Variants in IST1 observed in about 807,000 individuals in gnomAD.
The protein encoded by IST1 is IST1 factor associated with ESCRT-III, also known as IST1 homolog.
Under a neutral mutation model 37.0 loss-of-function variants are expected in IST1, and 23 were observed. That is an observed-to-expected ratio of 0.62 (90% confidence interval 0.45 to 0.88). The LOEUF (loss-of-function observed/expected upper bound fraction) is 0.88, where lower values mean the gene tolerates loss of function less well. Ranked by LOEUF, IST1 falls within the 40% of genes least tolerant of loss-of-function variation. The pLI, the probability that IST1 is intolerant of heterozygous loss-of-function variation, is 0.00. For missense variants in IST1, 488 were observed against 445.4 expected (o/e 1.10, Z -0.86); for synonymous variants, 180 against 161.7 (o/e 1.11, Z -0.86).
At chr16:71,895,257 G>A (rs1376273538), upstream of IST1, 2 of 157,986 alleles carry the variant, frequency 1.3e-5, no homozygotes, top group Non-Finnish European at 2.8e-5. Context: ...AGCTGTGGCT[G>A]GCCTCCCCGC....
intron 1 of IST1, among the ~76,000 whole-genome samples, chr16:71,900,327 CTTTTTT>C (rs201344260): frequency 4.2e-4 from 42 of 100,506 alleles, no homozygotes; most frequent in Admixed American, 9.5e-4. Flanking sequence ...CTTAGGAAGT[CTTTTTT>C]TTTTTTTTTT....
chr16:71,920,862 G>A, intron 5 of IST1, 40 bp downstream of exon 5: 2 of 1,437,962 alleles, frequency 1.4e-6, no homozygotes, highest in Non-Finnish European at 2.0e-6. Flanking sequence ...CAGTGTGTGG[G>A]AGCAGTTTAT....
Position 71,908,296 on chromosome 16 carries a change from CTT to C in IST1, c.-15-7309_-15-7308del, listed in dbSNP as rs59849119. On this transcript the variant is annotated intron_variant, in intron 1 of 9. Coordinates refer to ENST00000378799, the MANE Select transcript of IST1 (RefSeq NM_001270975.2). ...GAGAAATTTCCCTTACTCGTTGTAG[CTT>C]TTTTTTTTTTTTTTTTTTTTGGAGA... Among the ~76,000 whole-genome samples, 30 of 76,822 alleles carry C rather than the reference CTT, an allele frequency of 3.9e-4. No individual in the cohort carries two copies. The South Asian group carries it at 0.01, about 26-fold the overall frequency. 50.4% of individuals were successfully genotyped at this position (76,822 alleles called of 152,430 possible). A position where few individuals can be genotyped will look rare whatever the true frequency, so the allele number is the denominator to read the frequency against.
In IST1 at chr16:71,929,722, T is replaced by G; in HGVS notation, c.*1909T>G. On this transcript the variant is annotated 3_prime_UTR_variant, in exon 10 of 10. Coordinates refer to ENST00000378799, the MANE Select transcript of IST1 (RefSeq NM_001270975.2). Reference sequence around the variant, plus strand: ...AAGAGAAAAGTGAGAAAATTGAAATTACTGCTAATAGTGGAGTAAAAAAAG... The same window carrying G: ...AAGAGAAAAGTGAGAAAATTGAAATGACTGCTAATAGTGGAGTAAAAAAAG... 1.4e-6 allele frequency: 2 copies of G among 1,474,932 alleles called. No homozygotes were observed. Among genetic ancestry groups the G allele is most frequent in the African/African-American group, 2.9e-5 (2 of 70,114 alleles). The allele number at this position is 1,474,932 out of a possible 1,614,324, so 91.4% of individuals were successfully genotyped here. A position where few individuals can be genotyped will look rare whatever the true frequency, so the allele number is the denominator to read the frequency against.
Position 71,895,614 on chromosome 16 carries a change from G to T in IST1, c.-16+25G>T, listed in dbSNP as rs998133832. ...GGTGAGTGTGGCATCCTCGGCGTCA[G>T]AGGTCTCTGTCTTCCTCTTCTCTCT... is the stretch of plus-strand genomic sequence containing the variant. On this transcript the variant is annotated intron_variant, in intron 1 of 9. Coordinates refer to ENST00000378799, the MANE Select transcript of IST1 (RefSeq NM_001270975.2). 50 of 928,936 alleles carry T rather than the reference G, an allele frequency of 5.4e-5. No homozygotes were observed. In the African/African-American group the frequency reaches 8.7e-4, roughly 16 times the overall value. 57.5% of individuals were successfully genotyped at this position (928,936 alleles called of 1,614,324 possible). A position where few individuals can be genotyped will look rare whatever the true frequency, so the allele number is the denominator to read the frequency against.
chr16:71,900,323 A>C (rs542085336), intron 1 of IST1, among the ~76,000 whole-genome samples: 6 of 141,466 alleles, frequency 4.2e-5, no homozygotes, highest in Admixed American at 3.8e-4. Context: ...CTCCCTTAGG[A>C]AGTCTTTTTT....
intron 1 of IST1, among the ~76,000 whole-genome samples, chr16:71,914,170 CT>C (rs35711807): frequency 1.7e-3 from 225 of 135,062 alleles, no homozygotes; most frequent in Middle Eastern, 4.0e-3. Context: ...GGGGTTGTAC[CT>C]TTTTTTTTTT....
At chr16:71,923,214 C>A in intron 7 of IST1, 74 bp from the exon 8 acceptor site, 1 of 762,586 alleles carries the variant, frequency 1.3e-6, no homozygotes, top group Non-Finnish European at 2.3e-6. Flanking sequence ...ATTTCTTTCT[C>A]CCTTCCCATA....
intron 1 of IST1, among the ~76,000 whole-genome samples, chr16:71,910,213 C>T (rs1327293027): frequency 6.6e-6 from 1 of 152,116 alleles, no homozygotes; most frequent in Non-Finnish European, 1.5e-5. Context: ...CCATCCTGCT[C>T]ATCCCACCTG....
chr16:71,895,155 C>CAGAGAGGCG (rs2036935741), upstream of IST1: 3 of 264,820 alleles, frequency 1.1e-5, no homozygotes, highest in Non-Finnish European at 2.2e-5. Flanking sequence ...CTCCCGGCGT[C>CAGAGAGGCG]AGAGAGGCGG....
At chr16:71,917,201 G>A (rs2037484316) in intron 4 of IST1, 67 bp downstream of exon 4, 1 of 916,774 alleles carries the variant, frequency 1.1e-6, no homozygotes, top group Admixed American at 2.2e-5. Context: ...GTTAATATAA[G>A]TTACTTCTGC....
chr16:71,926,246 C>G (rs576498165), intron 9 of IST1, among the ~76,000 whole-genome samples: 3 of 150,606 alleles, frequency 2.0e-5, no homozygotes, highest in Admixed American at 6.6e-5. Flanking sequence ...TATGCCATTG[C>G]ACTCCAGCCT....
At position 71,929,947 on chromosome 16, in the gene IST1, G is replaced by A. The variant is rs1349500625; in HGVS notation, c.*2134G>A. On this transcript the variant is annotated 3_prime_UTR_variant, in exon 10 of 10. Transcript: ENST00000378799. ...CTTTTGAAACTAATAAAGGGAATAT[G>A]ATACTGTGCATTATAAATTATGTCA... 1.5e-6 allele frequency: 2 copies of A among 1,309,120 alleles called. No homozygotes were observed. The highest frequency in any genetic ancestry group is 3.0e-5 in the African/African-American group (2 of 66,586). The allele number at this position is 1,309,120 out of a possible 1,614,324, so 81.1% of individuals were successfully genotyped here.
Position 71,923,416 on chromosome 16 carries a change from A to G in IST1, c.852+36A>G, listed in dbSNP as rs368551387. On this transcript the variant is annotated intron_variant, in intron 8 of 9. Coordinates refer to ENST00000378799, the MANE Select transcript of IST1 (RefSeq NM_001270975.2). ...GAGCCTCTTTTATAAGCAACAGGAGAGTGAATGCCATGAAGAGCGAGCAAA... is the reference window on the plus strand; with the variant it reads ...GAGCCTCTTTTATAAGCAACAGGAGGGTGAATGCCATGAAGAGCGAGCAAA... The G allele has an allele frequency of 7.5e-7, 1 of 1,325,864 alleles. No homozygotes were observed. Among genetic ancestry groups the G allele is most frequent in the Non-Finnish European group, 1.1e-6 (1 of 921,404 alleles). 82.1% of individuals were successfully genotyped at this position (1,325,864 alleles called of 1,614,324 possible). A position where few individuals can be genotyped will look rare whatever the true frequency, so the allele number is the denominator to read the frequency against.
chr16:71,907,720 C>T (rs1288019145), intron 1 of IST1, among the ~76,000 whole-genome samples: 1 of 152,166 alleles, frequency 6.6e-6, no homozygotes, highest in Non-Finnish European at 1.5e-5. Context: ...GACTTACCTA[C>T]AAGTGTCCTG....
intron 5 of IST1, 70 bp downstream of exon 5, chr16:71,920,892 C>A: frequency 9.5e-7 from 1 of 1,052,242 alleles, no homozygotes; most frequent in Non-Finnish European, 1.5e-6. Context: ...TGTGGCAATT[C>A]TAGTGGGTAC....
upstream of IST1, chr16:71,895,207 G>C (rs940186771): frequency 5.4e-6 from 1 of 186,800 alleles, no homozygotes; most frequent in African/African-American, 2.4e-5. Context: ...CCAAGGCACT[G>C]GGCGCGGTGA....
In IST1 at chr16:71,929,624, T is replaced by C; in HGVS notation, c.*1811T>C. ...GATGAGGTTTTTTGGGGCCAACTGATTCCTAACAAATTTGAGAGCTTCTGT... is the reference window on the plus strand; with the variant it reads ...GATGAGGTTTTTTGGGGCCAACTGACTCCTAACAAATTTGAGAGCTTCTGT... On this transcript the variant is annotated 3_prime_UTR_variant, in exon 10 of 10. Coordinates refer to ENST00000378799, the MANE Select transcript of IST1 (RefSeq NM_001270975.2). 6.4e-7 allele frequency: 1 copy of C among 1,551,834 alleles called. No homozygotes were observed. The highest frequency in any genetic ancestry group is 1.2e-5 in the South Asian group (1 of 84,056).
At chr16:71,922,229 G>A (rs547532021) in intron 6 of IST1, among the ~76,000 whole-genome samples, 54 of 152,166 alleles carry the variant, frequency 3.5e-4, no homozygotes, top group Non-Finnish European at 6.2e-4. Context: ...ACCCACAGTT[G>A]GAAACACCAT....
Sources: gnomAD v4.1 joint callset for allele counts (sites outside exome capture counted in the v4.1 genomes callset) on GRCh38, gnomAD v4.1.1 for gene constraint, MANE v1.5 for transcripts, NCBI Gene and HGNC (gene_info 2026-07-23, HGNC 2026-07-21) for gene names.